The following PTPRD variants were observed in gnomAD, a reference collection of about 807,000 sequenced individuals.
The protein encoded by PTPRD is receptor-type tyrosine-protein phosphatase delta.
In PTPRD, 34 loss-of-function variants were observed where a neutral mutation model predicts 214.5. The ratio of observed to expected loss-of-function variants is 0.16; its 90% CI spans 0.12 to 0.21. The LOEUF is 0.21. Among genes scored for constraint, PTPRD ranks in the 10% least tolerant of loss-of-function variants. The pLI is 1.00. For synonymous variants in PTPRD, 1,128 were observed against 845.7 expected, an observed-to-expected ratio of 1.33 and a Z score of -5.79; for missense variants, 2,545 against 2,398.7, an observed-to-expected ratio of 1.06 and a Z score of -1.27.
chr9:8,722,956 A>T (rs1041122930), intron 12 of PTPRD, among the ~76,000 whole-genome samples: 1 of 152,230 alleles, frequency 6.6e-6, no homozygotes, highest in Non-Finnish European at 1.5e-5. Flanking sequence ...CTTGATCAGG[A>T]GGTTGTATCA....
chr9:10,165,886 T>C (rs1247668085), intron 3 of PTPRD, among the ~76,000 whole-genome samples: 1 of 150,978 alleles, frequency 6.6e-6, no homozygotes, highest in Non-Finnish European at 1.5e-5. Context: ...TTAAAGAACA[T>C]TTAAATATAT....
At position 8,477,895 on chromosome 9, in the gene PTPRD, G is replaced by A. The variant is rs148334909; in HGVS notation, c.3413+6224C>T. 2.0e-5 allele frequency among the ~76,000 whole-genome samples: 3 copies of A among 152,318 alleles called. No homozygotes were observed. The East Asian group carries it at 5.8e-4, about 29-fold the overall frequency. ...AGAACATAGGCTCTGGAGCCAGACT[G>A]CCTGGATTCAAGCCTTTCCTCTCTG... is the stretch of plus-strand genomic sequence containing the variant. On this transcript the variant is annotated intron_variant, in intron 30 of 45. Coordinates refer to ENST00000381196, the MANE Select transcript of PTPRD (RefSeq NM_002839.4).
intron 2 of PTPRD, among the ~76,000 whole-genome samples, chr9:10,593,560 C>A (rs2075993103): frequency 6.6e-6 from 1 of 151,862 alleles, no homozygotes. Flanking sequence ...TTGAAGTCAC[C>A]AGTGGCTTCA....
At chr9:9,709,900 A>G (rs1376646098) in intron 7 of PTPRD, among the ~76,000 whole-genome samples, 2 of 152,086 alleles carry the variant, frequency 1.3e-5, no homozygotes, top group East Asian at 3.8e-4. Context: ...ATTAAATCCC[A>G]TTAATAGAAT....
chr9:8,907,877 C>T (rs1156366831), intron 11 of PTPRD, among the ~76,000 whole-genome samples: 2 of 151,868 alleles, frequency 1.3e-5, no homozygotes, highest in East Asian at 3.9e-4. Context: ...ATAAAAGGAG[C>T]AGAAAAAATT....
chr9:9,851,443 C>T (rs79192993), intron 5 of PTPRD, among the ~76,000 whole-genome samples: 289 of 152,248 alleles, frequency 1.9e-3, no homozygotes, highest in African/African-American at 6.4e-3. Flanking sequence ...TTAAATATTG[C>T]CTCTTTTTGT....
intron 11 of PTPRD, among the ~76,000 whole-genome samples, chr9:8,937,707 C>T (rs1380370716): frequency 6.6e-6 from 1 of 152,174 alleles, no homozygotes; most frequent in Non-Finnish European, 1.5e-5. Context: ...TGGAGCCTTC[C>T]TCCTCCTTCT....
At chr9:8,642,418 G>A (rs1388490302) in intron 12 of PTPRD, among the ~76,000 whole-genome samples, 2 of 152,182 alleles carry the variant, frequency 1.3e-5, no homozygotes, top group African/African-American at 4.8e-5. Context: ...TTTTAAAGGG[G>A]AAGGTGAATA....
intron 5 of PTPRD, among the ~76,000 whole-genome samples, chr9:9,772,005 G>C (rs1440187199): frequency 6.6e-6 from 1 of 152,098 alleles, no homozygotes; most frequent in Non-Finnish European, 1.5e-5. Flanking sequence ...TTGGTGTTAT[G>C]CGCTGAATTG....
chr9:8,651,222 G>A (rs1008382809), intron 12 of PTPRD, among the ~76,000 whole-genome samples: 1 of 152,100 alleles, frequency 6.6e-6, no homozygotes, highest in Non-Finnish European at 1.5e-5. Context: ...TGCTAACCAC[G>A]ATGGATCTCT....
intron 9 of PTPRD, among the ~76,000 whole-genome samples, chr9:9,349,749 C>T (rs2050371344): frequency 6.7e-6 from 1 of 149,756 alleles, no homozygotes; most frequent in South Asian, 2.1e-4. Flanking sequence ...AAGTGGCACC[C>T]ATCACATGTT....
At chr9:9,366,179 C>G (rs759520464) in intron 9 of PTPRD, among the ~76,000 whole-genome samples, 1 of 151,322 alleles carries the variant, frequency 6.6e-6, no homozygotes, top group Non-Finnish European at 1.5e-5. Context: ...ATTTTATTAA[C>G]AAATAAAACT....
intron 12 of PTPRD, among the ~76,000 whole-genome samples, chr9:8,730,011 C>G (rs552291906): frequency 6.6e-6 from 1 of 152,220 alleles, no homozygotes; most frequent in African/African-American, 2.4e-5. Context: ...AATCCCAGCA[C>G]TTTGGGAGGC....
chr9:10,227,291 C>T (rs1218552800), intron 3 of PTPRD, among the ~76,000 whole-genome samples: 3 of 151,904 alleles, frequency 2.0e-5, no homozygotes, highest in Non-Finnish European at 4.4e-5. Flanking sequence ...TGAATTATAA[C>T]TTCTACAAAG....
chr9:10,403,554 T>G (rs1329196393), intron 2 of PTPRD, among the ~76,000 whole-genome samples: 2 of 151,390 alleles, frequency 1.3e-5, no homozygotes, highest in African/African-American at 4.8e-5. Context: ...AGGTACACTT[T>G]GGCAGTTTCT....
intron 8 of PTPRD, among the ~76,000 whole-genome samples, chr9:9,561,295 C>T (rs1459493976): frequency 6.6e-6 from 1 of 152,162 alleles, no homozygotes; most frequent in Non-Finnish European, 1.5e-5. Flanking sequence ...GGATACCTTG[C>T]ATGTATTGAT....
At chr9:8,863,514 G>T (rs1264138280) in intron 11 of PTPRD, among the ~76,000 whole-genome samples, 2 of 152,100 alleles carry the variant, frequency 1.3e-5, no homozygotes, top group African/African-American at 4.8e-5. Context: ...ATGACAAGCT[G>T]TCAGCTAAAA....
chr9:9,417,851 T>G (rs1285168200), intron 8 of PTPRD, among the ~76,000 whole-genome samples: 1 of 152,088 alleles, frequency 6.6e-6, no homozygotes, highest in Non-Finnish European at 1.5e-5. Flanking sequence ...AACATACCTA[T>G]GCTAATCAAA....
intron 2 of PTPRD, among the ~76,000 whole-genome samples, chr9:10,525,310 A>G (rs2134376310): frequency 6.6e-6 from 1 of 152,238 alleles, no homozygotes; most frequent in African/African-American, 2.4e-5. Flanking sequence ...AAGTCTCCCT[A>G]TATAATGGTT....
Sources: gnomAD v4.1 joint callset for allele counts (sites outside exome capture counted in the v4.1 genomes callset) on GRCh38, gnomAD v4.1.1 for gene constraint, MANE v1.5 for transcripts, NCBI Gene and HGNC (gene_info 2026-07-23, HGNC 2026-07-21) for gene names.